CFI: variants seen among roughly 807,000 people sequenced by gnomAD.
CFI encodes complement factor I.
Under a neutral mutation model 78.8 loss-of-function variants are expected in CFI, and 66 were observed. That is an observed-to-expected ratio of 0.84 (90% CI 0.69 to 1.03). The LOEUF is 1.03. Ranked by LOEUF, CFI falls within the 50% of genes least tolerant of loss-of-function variation. CFI has a pLI of 0.00. For missense variants in CFI, 706 were observed against 704.5 expected (o/e 1.00, Z -0.02); for synonymous variants, 250 against 232.6 (o/e 1.07, Z -0.68).
Position 109,798,198 on chromosome 4 carries a change from G to A in CFI, c.57+3717C>T, listed in dbSNP as rs141760188. 2.0e-5 allele frequency among the ~76,000 whole-genome samples: 3 copies of A among 152,292 alleles called. No individual in the cohort carries two copies. The East Asian group carries it at 5.8e-4, about 29-fold the overall frequency. The stretch of plus-strand genomic sequence containing the variant: ...GACTGGGTGAGGGGGAAACAGGGAA[G>A]TGTTAGTCAAAGGTCAAGATGTATA... On this transcript the variant is annotated intron_variant, in intron 1 of 12. Coordinates refer to ENST00000394634, the MANE Select transcript of CFI (RefSeq NM_000204.5).
At chr4:109,775,249 CA>C (rs1729074913) in intron 1 of CFI, among the ~76,000 whole-genome samples, 1 of 152,160 alleles carries the variant, frequency 6.6e-6, no homozygotes, top group African/African-American at 2.4e-5. Context: ...CCTTTTCCAG[CA>C]AAGGGAAGCA....
chr4:109,801,564 A>G (rs1732771898), intron 1 of CFI, among the ~76,000 whole-genome samples: 1 of 152,200 alleles, frequency 6.6e-6, no homozygotes, highest in Admixed American at 6.5e-5. Context: ...GAGGCTGTTG[A>G]AGGAAGAGAT....
At chr4:109,758,298 A>T (rs1281439290) in intron 6 of CFI, among the ~76,000 whole-genome samples, 1 of 151,956 alleles carries the variant, frequency 6.6e-6, no homozygotes, top group Non-Finnish European at 1.5e-5. Flanking sequence ...TCACTAATGG[A>T]ACCCCACCAC....
chr4:109,761,405 A>G, intron 4 of CFI, 112 bp downstream of exon 4: 1 of 1,061,318 alleles, frequency 9.4e-7, no homozygotes, highest in Non-Finnish European at 1.5e-6. Context: ...CAGAATCTAT[A>G]TTATTGCCTC....
At chr4:109,756,971 AAG>A (rs111571018) in intron 7 of CFI, among the ~76,000 whole-genome samples, 5 of 140,140 alleles carry the variant, frequency 3.6e-5, no homozygotes, top group African/African-American at 1.3e-4. Flanking sequence ...GAAAGAAAGA[AAG>A]AAAGAAATTC....
intron 8 of CFI, among the ~76,000 whole-genome samples, chr4:109,749,992 TTTTC>T (rs1313741362): frequency 1.3e-5 from 2 of 151,960 alleles, no homozygotes; most frequent in African/African-American, 2.4e-5. Flanking sequence ...GTGTCTTTTC[TTTTC>T]TTTCTTTCTT....
rs200236397 is a variant in CFI at position 109,785,184 on chromosome 4, C to T, written c.57+16731G>A. 5.9e-5 allele frequency among the ~76,000 whole-genome samples: 9 copies of T among 152,074 alleles called. No homozygotes were observed. In the East Asian group the frequency reaches 7.7e-4, roughly 13 times the overall value. On this transcript the variant is annotated intron_variant, in intron 1 of 12. Transcript: ENST00000394634. ...TGACTCTCTTTTCGGACTCAGCCCG[C>T]CTGCACCCAGGTGATTAAAAAGCTT...
intron 1 of CFI, among the ~76,000 whole-genome samples, chr4:109,791,807 C>G (rs1212431446): frequency 6.6e-6 from 1 of 152,026 alleles, no homozygotes; most frequent in Non-Finnish European, 1.5e-5. Context: ...GCATTTACTG[C>G]TATACATTTA....
chr4:109,757,086 T>C (rs1726404984), intron 7 of CFI, among the ~76,000 whole-genome samples: 1 of 151,906 alleles, frequency 6.6e-6, no homozygotes, highest in Non-Finnish European at 1.5e-5. Context: ...TGGAGTGCAG[T>C]GACGCGGTCT....
intron 7 of CFI, among the ~76,000 whole-genome samples, chr4:109,754,986 C>A (rs9997805): frequency 0.99 from 150,881 of 152,328 alleles, 74,734 homozygotes; most frequent in South Asian, 1. Context: ...GGATAGAGTT[C>A]ACAGATGAGA....
At chr4:109,782,675 A>T (rs1730212192) in intron 1 of CFI, among the ~76,000 whole-genome samples, 1 of 152,042 alleles carries the variant, frequency 6.6e-6, no homozygotes, top group Non-Finnish European at 1.5e-5. Flanking sequence ...TAGAAAAAAA[A>T]ATTCTAAAAT....
chr4:109,733,519 C>T, the CFI span, among the ~76,000 whole-genome samples: 1 of 152,000 alleles, frequency 6.6e-6, no homozygotes, highest in Admixed American at 6.5e-5. Context: ...AGTTATGATA[C>T]AGTAATCTAG....
chr4:109,752,184 C>A (rs985638300), intron 8 of CFI, among the ~76,000 whole-genome samples: 2 of 152,036 alleles, frequency 1.3e-5, no homozygotes, highest in Non-Finnish European at 2.9e-5. Context: ...ACTGACCTGA[C>A]AAAGTTCGTT....
At chr4:109,801,562 T>G (rs1222808805) in intron 1 of CFI, among the ~76,000 whole-genome samples, 1 of 152,232 alleles carries the variant, frequency 6.6e-6, no homozygotes, top group African/African-American at 2.4e-5. Flanking sequence ...AAGAGGCTGT[T>G]GAAGGAAGAG....
rs1554027783 is a variant in CFI, at chr4:109,754,426, A to AAG, written c.905-1924_905-1923insCT. On this transcript the variant is annotated intron_variant, in intron 7 of 12. Transcript: ENST00000394634. The stretch of plus-strand genomic sequence containing the variant: ...GATGCAGAAGTTAAAAAAAAAAAAA[A>AAG]GAATCTTCTTTTTTTTTTTTAGATT... Among the ~76,000 whole-genome samples, 5 of 143,696 alleles carry AAG rather than the reference A, an allele frequency of 3.5e-5. 1 individual carries two copies. The highest frequency in any genetic ancestry group is 7.2e-5 in the Admixed American group (1 of 13,804). The allele number at this position is 143,696 out of a possible 152,430, so 94.3% of individuals were successfully genotyped here.
At chr4:109,766,172 G>T (rs1727725993) in intron 2 of CFI, among the ~76,000 whole-genome samples, 1 of 152,052 alleles carries the variant, frequency 6.6e-6, no homozygotes, top group South Asian at 2.1e-4. Context: ...AGGACCTGAG[G>T]CCTGACTAGA....
chr4:109,790,795 T>A (rs1246433565), intron 1 of CFI, among the ~76,000 whole-genome samples: 2 of 152,208 alleles, frequency 1.3e-5, no homozygotes, highest in Admixed American at 1.3e-4. Context: ...CTTTTAGGAC[T>A]GAGTAGTACT....
intron 1 of CFI, among the ~76,000 whole-genome samples, chr4:109,790,146 A>G (rs951299214): frequency 4.6e-5 from 7 of 152,042 alleles, no homozygotes; most frequent in African/African-American, 1.7e-4. Context: ...CTGTAAGATC[A>G]GTAGTAATAC....
intron 1 of CFI, among the ~76,000 whole-genome samples, chr4:109,790,945 C>G (rs1731299817): frequency 6.6e-6 from 1 of 152,004 alleles, no homozygotes; most frequent in Non-Finnish European, 1.5e-5. Flanking sequence ...ACAATTTGTA[C>G]TCCTTTAGGT....
Sources: allele counts gnomAD v4.1 joint callset (sites outside exome capture counted in the v4.1 genomes callset), GRCh38; gene constraint gnomAD v4.1.1; transcripts MANE v1.5; gene names NCBI Gene and HGNC (gene_info 2026-07-23, HGNC 2026-07-21).